Variants in MACROD2 observed in about 807,000 individuals in gnomAD.
MACROD2 encodes ADP-ribose glycohydrolase MACROD2.
A neutral mutation model predicts 70.4 loss-of-function variants in MACROD2; 36 were observed. The ratio of observed to expected loss-of-function variants is 0.51; its 90% CI spans 0.39 to 0.68. MACROD2 has a LOEUF of 0.68. Among genes scored for constraint, MACROD2 ranks in the 30% least tolerant of loss-of-function variants. The pLI, the probability that MACROD2 is intolerant of heterozygous loss-of-function variation, is 0.00. For synonymous variants in MACROD2, 172 were observed against 178.8 expected (o/e 0.96, Z 0.30); for missense variants, 496 against 538.4 (o/e 0.92, Z 0.78).
intron 3 of MACROD2, among the ~76,000 whole-genome samples, chr20:14,176,239 A>AT (rs758983926): frequency 5.9e-5 from 9 of 152,208 alleles, no homozygotes; most frequent in Non-Finnish European, 1.2e-4. Context: ...GACAGAAGGC[A>AT]TTTTTCCAAA....
intron 3 of MACROD2, among the ~76,000 whole-genome samples, chr20:14,194,356 C>A (rs2081412864): frequency 2.0e-5 from 3 of 152,124 alleles, no homozygotes; most frequent in Admixed American, 6.5e-5. Flanking sequence ...CCTGCTGAGA[C>A]CTGACTTGAA....
intron 8 of MACROD2, among the ~76,000 whole-genome samples, chr20:15,674,445 T>A (rs1304486448): frequency 6.6e-6 from 1 of 151,998 alleles, no homozygotes; most frequent in Non-Finnish European, 1.5e-5. Context: ...ATCTGTGAAA[T>A]AGGCGAGTCA....
intron 5 of MACROD2, among the ~76,000 whole-genome samples, chr20:14,767,319 A>G (rs1281167936): frequency 1.3e-5 from 2 of 151,648 alleles, no homozygotes; most frequent in African/African-American, 4.8e-5. Flanking sequence ...AAAAGGATTA[A>G]TTTTTTTTTG....
chr20:15,102,002 A>C (rs1210062616), intron 5 of MACROD2, among the ~76,000 whole-genome samples: 1 of 152,070 alleles, frequency 6.6e-6, no homozygotes, highest in Non-Finnish European at 1.5e-5. Context: ...ATTCATAAAC[A>C]TGCACAAAAT....
At chr20:15,227,761 C>T (rs175278) in intron 5 of MACROD2, among the ~76,000 whole-genome samples, 84,955 of 148,442 alleles carry the variant, frequency 0.57, 24,503 homozygotes, top group African/African-American at 0.61. Flanking sequence ...CAACTCCTTA[C>T]GGCATTTTAA....
At chr20:14,949,020 C>T (rs1442914120) in intron 5 of MACROD2, among the ~76,000 whole-genome samples, 1 of 152,092 alleles carries the variant, frequency 6.6e-6, no homozygotes, top group Non-Finnish European at 1.5e-5. Flanking sequence ...CTGAGATATT[C>T]TGAAATGAAA....
chr20:14,980,168 G>A (rs1353619473), intron 5 of MACROD2, among the ~76,000 whole-genome samples: 2 of 152,132 alleles, frequency 1.3e-5, no homozygotes, highest in Admixed American at 6.5e-5. Flanking sequence ...GAAGTATTGA[G>A]AGATGGGGCC....
chr20:15,920,612 A>T (rs1342789451), intron 10 of MACROD2, among the ~76,000 whole-genome samples: 1 of 152,076 alleles, frequency 6.6e-6, no homozygotes, highest in Non-Finnish European at 1.5e-5. Flanking sequence ...CCTTGTTCCC[A>T]GACTCCACAA....
intron 6 of MACROD2, among the ~76,000 whole-genome samples, chr20:15,298,108 A>G (rs2077608056): frequency 6.6e-6 from 1 of 152,296 alleles, no homozygotes; most frequent in African/African-American, 2.4e-5. Flanking sequence ...GGGCTTTGGA[A>G]TCTGACAGCC....
rs1461778801 is a variant in MACROD2, at chr20:15,088,407, A to T, written c.419-141533A>T. Among the ~76,000 whole-genome samples the T allele has an allele frequency of 2.0e-3, 7 of 3,416 alleles. 1 individual carries two copies. Among genetic ancestry groups the T allele is most frequent in the African/African-American group, 3.6e-3 (5 of 1,400 alleles). The allele number at this position is 3,416 out of a possible 152,430, so 2.2% of individuals were successfully genotyped here. A position where few individuals can be genotyped will look rare whatever the true frequency, so the allele number is the denominator to read the frequency against. On this transcript the variant is annotated intron_variant, in intron 5 of 17. Coordinates refer to ENST00000684519, the MANE Select transcript of MACROD2 (RefSeq NM_001351661.2). Reference sequence around the variant, plus strand: ...CATATATACTATATTTTATATATATATATATATATATATATATATATATAT... The same window carrying T: ...CATATATACTATATTTTATATATATTTATATATATATATATATATATATAT...
At chr20:14,322,284 G>A (rs1205536953) in intron 3 of MACROD2, among the ~76,000 whole-genome samples, 1 of 147,062 alleles carries the variant, frequency 6.8e-6, no homozygotes, top group Non-Finnish European at 1.5e-5. Context: ...CTGTGTATTT[G>A]CTAGTATAAA....
chr20:14,291,246 T>G (rs1193342326), intron 3 of MACROD2, among the ~76,000 whole-genome samples: 6 of 152,214 alleles, frequency 3.9e-5, no homozygotes, highest in Non-Finnish European at 7.3e-5. Context: ...TAGGGAATTT[T>G]AGTAGAGATT....
chr20:14,968,037 GTTA>G (rs2074654677), intron 5 of MACROD2, among the ~76,000 whole-genome samples: 1 of 152,062 alleles, frequency 6.6e-6, no homozygotes, highest in African/African-American at 2.4e-5. Flanking sequence ...TAAATTTTAA[GTTA>G]TTATATCAAA....
intron 6 of MACROD2, among the ~76,000 whole-genome samples, chr20:15,264,262 T>C (rs1322049628): frequency 6.6e-6 from 1 of 152,148 alleles, no homozygotes; most frequent in Non-Finnish European, 1.5e-5. Context: ...AGATCCAGAA[T>C]GTGGACTGTT....
At chr20:14,062,088 C>G (rs6033873) in intron 2 of MACROD2, among the ~76,000 whole-genome samples, 1 of 152,068 alleles carries the variant, frequency 6.6e-6, no homozygotes, top group East Asian at 1.9e-4. Flanking sequence ...AATATCATGC[C>G]TAAGTCATTA....
At chr20:15,187,074 A>G (rs1400480067) in intron 5 of MACROD2, among the ~76,000 whole-genome samples, 6 of 152,214 alleles carry the variant, frequency 3.9e-5, no homozygotes, top group African/African-American at 7.2e-5. Context: ...CAAACTGCCA[A>G]AGAGCCAGCG....
intron 5 of MACROD2, among the ~76,000 whole-genome samples, chr20:15,049,629 A>C (rs2075423189): frequency 6.6e-6 from 1 of 152,178 alleles, no homozygotes; most frequent in Non-Finnish European, 1.5e-5. Context: ...TAATACAGGC[A>C]CAGAGTTTTA....
chr20:14,204,333 G>A (rs1248772958), intron 3 of MACROD2, among the ~76,000 whole-genome samples: 1 of 152,182 alleles, frequency 6.6e-6, no homozygotes, highest in Non-Finnish European at 1.5e-5. Flanking sequence ...TGGTGTTGAA[G>A]CCTGCAGATT....
At chr20:15,593,268 G>A (rs1276327361) in intron 8 of MACROD2, among the ~76,000 whole-genome samples, 3 of 152,140 alleles carry the variant, frequency 2.0e-5, no homozygotes, top group Non-Finnish European at 4.4e-5. Context: ...GTCTCTCATG[G>A]CAGATTGATA....
Sources: allele counts gnomAD v4.1 joint callset (sites outside exome capture counted in the v4.1 genomes callset), GRCh38; gene constraint gnomAD v4.1.1; transcripts MANE v1.5; gene names NCBI Gene and HGNC (gene_info 2026-07-23, HGNC 2026-07-21).